PLXDC2: variants seen among roughly 807,000 people sequenced by gnomAD.
PLXDC2 encodes the protein plexin domain containing 2, also known as plexin domain-containing protein 2.
In PLXDC2, 40 loss-of-function variants were observed where a neutral mutation model predicts 68.9. The ratio of observed to expected loss-of-function variants is 0.58; its 90% CI spans 0.45 to 0.76. The LOEUF is 0.76. Among genes scored for constraint, PLXDC2 ranks in the 30% least tolerant of loss-of-function variants. PLXDC2 has a pLI of 0.00. For synonymous variants in PLXDC2, 243 were observed against 234.2 expected, an observed-to-expected ratio of 1.04 and a Z score of -0.34; for missense variants, 644 against 661.9, an observed-to-expected ratio of 0.97 and a Z score of 0.30.
At chr10:20,099,486 A>G (rs1833394443) in intron 4 of PLXDC2, among the ~76,000 whole-genome samples, 1 of 152,214 alleles carries the variant, frequency 6.6e-6, no homozygotes, top group African/African-American at 2.4e-5. Context: ...TATTTCACGT[A>G]CTTTCATTTC....
chr10:20,163,115 G>A (rs540439428), intron 6 of PLXDC2, among the ~76,000 whole-genome samples: 4 of 152,040 alleles, frequency 2.6e-5, no homozygotes, highest in South Asian at 2.1e-4. Flanking sequence ...ATTTTGTTTT[G>A]CTTGTTTTGT....
intron 3 of PLXDC2, among the ~76,000 whole-genome samples, chr10:20,061,341 C>T (rs932716504): frequency 1.3e-5 from 2 of 152,164 alleles, no homozygotes; most frequent in African/African-American, 4.8e-5. Flanking sequence ...GCCAGTTATT[C>T]TGTACAATGT....
intron 2 of PLXDC2, among the ~76,000 whole-genome samples, chr10:20,017,383 C>T (rs1835231216): frequency 6.6e-6 from 1 of 152,184 alleles, no homozygotes; most frequent in Non-Finnish European, 1.5e-5. Flanking sequence ...AGGTTCTCTT[C>T]ATGCAGTAAT....
intron 2 of PLXDC2, among the ~76,000 whole-genome samples, chr10:20,015,699 A>G (rs891777197): frequency 6.6e-6 from 1 of 152,116 alleles, no homozygotes. Context: ...AAAAAAACAC[A>G]GAGATCAGAA....
intron 12 of PLXDC2, among the ~76,000 whole-genome samples, chr10:20,225,006 A>G (rs1835267377): frequency 1.3e-5 from 2 of 152,182 alleles, no homozygotes; most frequent in Admixed American, 1.3e-4. Context: ...CAAAGTTGAT[A>G]TGTTAAGCAG....
At chr10:20,063,518 A>G (rs1218071259) in intron 3 of PLXDC2, among the ~76,000 whole-genome samples, 3 of 152,230 alleles carry the variant, frequency 2.0e-5, no homozygotes, top group African/African-American at 4.8e-5. Context: ...CATCCTTGCA[A>G]TACCACTGAG....
At chr10:20,071,884 T>G (rs907740713) in intron 4 of PLXDC2, among the ~76,000 whole-genome samples, 18 of 151,938 alleles carry the variant, frequency 1.2e-4, no homozygotes, top group Non-Finnish European at 2.5e-4. Flanking sequence ...TGAGAAGAAG[T>G]GGAGAAGGAA....
At chr10:19,973,929 G>A (rs1834403940) in intron 1 of PLXDC2, among the ~76,000 whole-genome samples, 1 of 152,190 alleles carries the variant, frequency 6.6e-6, no homozygotes, top group South Asian at 2.1e-4. Context: ...TAAAGAATAA[G>A]GAGCTAAAAT....
chr10:20,140,443 G>A (rs2460595), intron 4 of PLXDC2, among the ~76,000 whole-genome samples: 141,111 of 150,266 alleles, frequency 0.94, 66,264 homozygotes, highest in African/African-American at 0.95. Flanking sequence ...CTATCTATCC[G>A]TCTAATCTTT....
intron 1 of PLXDC2, among the ~76,000 whole-genome samples, chr10:19,852,787 C>T (rs1002278676): frequency 6.6e-6 from 1 of 152,044 alleles, no homozygotes; most frequent in Non-Finnish European, 1.5e-5. Flanking sequence ...AGAATAGTGC[C>T]CATTGCAAGA....
At chr10:19,954,111 A>T (rs1834032165) in intron 1 of PLXDC2, among the ~76,000 whole-genome samples, 1 of 152,198 alleles carries the variant, frequency 6.6e-6, no homozygotes, top group African/African-American at 2.4e-5. Flanking sequence ...AGATTATGAG[A>T]ATAATAATCA....
intron 4 of PLXDC2, among the ~76,000 whole-genome samples, chr10:20,081,955 G>A (rs1359991429): frequency 1.3e-5 from 2 of 149,730 alleles, no homozygotes; most frequent in African/African-American, 4.9e-5. Flanking sequence ...TGAGGCAGGA[G>A]GATTGCCTGA....
chr10:20,095,592 T>C (rs1164511392), intron 4 of PLXDC2, among the ~76,000 whole-genome samples: 2 of 151,602 alleles, frequency 1.3e-5, no homozygotes, highest in Non-Finnish European at 2.9e-5. Flanking sequence ...TGAGGGAGAG[T>C]GGATTAAGGA....
chr10:19,930,129 C>G (rs983150632), intron 1 of PLXDC2, among the ~76,000 whole-genome samples: 5 of 152,008 alleles, frequency 3.3e-5, no homozygotes, highest in Non-Finnish European at 7.4e-5. Context: ...GCCCAAATTC[C>G]CTTAATGTCA....
At chr10:19,863,812 T>C (rs1465977988) in intron 1 of PLXDC2, among the ~76,000 whole-genome samples, 2 of 53,842 alleles carry the variant, frequency 3.7e-5, no homozygotes, top group Non-Finnish European at 6.9e-5. Flanking sequence ...AGTCCAAAGA[T>C]ACTATTCAAA....
intron 2 of PLXDC2, among the ~76,000 whole-genome samples, chr10:20,028,253 G>A (rs1045714010): frequency 1.3e-5 from 2 of 152,140 alleles, no homozygotes; most frequent in Non-Finnish European, 2.9e-5. Context: ...GTGGCCTGGG[G>A]TTTGGAATTT....
intron 1 of PLXDC2, among the ~76,000 whole-genome samples, chr10:19,920,649 C>T (rs1054079345): frequency 2.0e-5 from 3 of 152,200 alleles, no homozygotes; most frequent in Non-Finnish European, 4.4e-5. Flanking sequence ...TCAGAGCTAC[C>T]TCCACTCAAA....
intron 1 of PLXDC2, among the ~76,000 whole-genome samples, chr10:19,840,932 C>A (rs1836891892): frequency 6.6e-6 from 1 of 152,216 alleles, no homozygotes; most frequent in African/African-American, 2.4e-5. Context: ...TGTCAGAAAG[C>A]AATTACACTA....
chr10:20,062,894 A>G (rs1032325019), intron 3 of PLXDC2, among the ~76,000 whole-genome samples: 2 of 152,162 alleles, frequency 1.3e-5, no homozygotes, highest in African/African-American at 4.8e-5. Flanking sequence ...TAAAACAAAT[A>G]TAATTTTTCT....
Sources: allele counts gnomAD v4.1 joint callset (sites outside exome capture counted in the v4.1 genomes callset), GRCh38; gene constraint gnomAD v4.1.1; transcripts MANE v1.5; gene names NCBI Gene and HGNC (gene_info 2026-07-23, HGNC 2026-07-21).